The following DNAH5 variants were observed in gnomAD, a reference collection of about 807,000 sequenced individuals.
DNAH5 encodes axonemal beta dynein heavy chain 5.
In DNAH5, 372 loss-of-function variants were observed where a neutral mutation model predicts 518.2. The ratio of observed to expected loss-of-function variants is 0.72; its 90% CI spans 0.66 to 0.78. DNAH5 has a LOEUF of 0.78. DNAH5 is among the 30% of genes least tolerant of loss of function. The pLI is 0.00. For synonymous variants in DNAH5, 2,039 were observed against 2,025.9 expected (o/e 1.01, Z -0.17); for missense variants, 5,523 against 5,687.0 (o/e 0.97, Z 0.93).
In DNAH5 at chr5:14,000,345, T is replaced by C. The variant is rs1561067293; in HGVS notation, c.12+11303A>G. Among the ~76,000 whole-genome samples the C allele has an allele frequency of 4.6e-5, 7 of 152,220 alleles. No individual in the cohort carries two copies. In the South Asian group the frequency reaches 1.0e-3, roughly 23 times the overall value. On this transcript the variant is annotated intron_variant, in intron 1 of 78. Transcript: ENST00000681290. The stretch of plus-strand genomic sequence containing the variant: ...CAAGGCCCGGAAAAAGCCTTCGGAG[T>C]GAGCACGGCCCTTGCCAACACCTGG...
At chr5:13,765,439 T>C (rs1274809747) in intron 59 of DNAH5, among the ~76,000 whole-genome samples, 3 of 152,214 alleles carry the variant, frequency 2.0e-5, no homozygotes, top group Non-Finnish European at 4.4e-5. Context: ...AAGCTAATTA[T>C]CTGGATAAAG....
intron 65 of DNAH5, among the ~76,000 whole-genome samples, chr5:13,747,158 G>A (rs942274712): frequency 9.2e-5 from 14 of 151,848 alleles, no homozygotes; most frequent in East Asian, 1.9e-4. Context: ...TTGTCCTTGC[G>A]ATAGTTTGCT....
chr5:13,713,021 G>A (rs1164973640), intron 75 of DNAH5, among the ~76,000 whole-genome samples: 1 of 151,638 alleles, frequency 6.6e-6, no homozygotes, highest in Non-Finnish European at 1.5e-5. Flanking sequence ...GCACATGCAT[G>A]TTTACAGCAG....
intron 72 of DNAH5, 118 bp downstream of exon 72, chr5:13,718,764 G>A (rs1306838268): frequency 6.1e-5 from 52 of 847,790 alleles, no homozygotes; most frequent in Non-Finnish European, 9.4e-5. Flanking sequence ...CTCCCCATCA[G>A]GTTAAACAGT....
Position 13,885,952 on chromosome 5 carries a change from C to A in DNAH5, c.2743+12G>T. 3 of 1,609,722 alleles carry A rather than the reference C, an allele frequency of 1.9e-6. No individual in the cohort carries two copies. In the South Asian group the frequency reaches 3.3e-5, roughly 18 times the overall value. ...TAGAAAAACAAGACCCTTTCATTAC[C>A]CCATCTCTTACCTGAACTTTCATTT... is the stretch of plus-strand genomic sequence containing the variant. On this transcript the variant is annotated intron_variant, in intron 18 of 78. Transcript: ENST00000265104.
intron 47 of DNAH5, among the ~76,000 whole-genome samples, chr5:13,802,113 T>C (rs1220804266): frequency 6.6e-6 from 1 of 152,162 alleles, no homozygotes; most frequent in Admixed American, 6.5e-5. Flanking sequence ...ACTAAGGACA[T>C]ATACTGTTCT....
intron 1 of DNAH5, among the ~76,000 whole-genome samples, chr5:13,998,120 A>C (rs1209806318): frequency 6.6e-6 from 1 of 152,178 alleles, no homozygotes; most frequent in Non-Finnish European, 1.5e-5. Flanking sequence ...CTGGGATTAC[A>C]GGCGTGAGCC....
At chr5:13,886,192 A>C in intron 17 of DNAH5, 63 bp from the exon 18 acceptor site, 1 of 1,486,926 alleles carries the variant, frequency 6.7e-7, no homozygotes. Flanking sequence ...AGCTTTTGAG[A>C]GCACAGAAAC....
chr5:13,830,311 G>T, intron 36 of DNAH5, 98 bp from the exon 37 acceptor site: 1 of 1,182,548 alleles, frequency 8.5e-7, no homozygotes, highest in Non-Finnish European at 1.2e-6. Context: ...CCAGATGTAA[G>T]TTCATTCAAA....
intron 44 of DNAH5, among the ~76,000 whole-genome samples, chr5:13,810,955 A>G (rs1230032315): frequency 1.3e-5 from 2 of 152,180 alleles, no homozygotes; most frequent in Non-Finnish European, 2.9e-5. Flanking sequence ...GGAGGTTATT[A>G]TGTTAAGTGA....
rs559808205 is a variant in DNAH5, at chr5:13,769,924, T to C, written c.9606-309A>G. Among the ~76,000 whole-genome samples the C allele has an allele frequency of 1.2e-3, 182 of 152,298 alleles. 1 individual carries two copies. The highest frequency in any genetic ancestry group is 4.1e-3 in the African/African-American group (170 of 41,560). On this transcript the variant is annotated intron_variant, in intron 56 of 78. Coordinates refer to ENST00000265104, the MANE Select transcript of DNAH5 (RefSeq NM_001369.3). ...ACATACTTAATGACATTAGGCTAAA[T>C]GACAATAGACTTCAAATGCTTAAAG...
intron 47 of DNAH5, among the ~76,000 whole-genome samples, chr5:13,802,293 G>A (rs976505073): frequency 6.6e-6 from 1 of 152,172 alleles, no homozygotes; most frequent in Admixed American, 6.5e-5. Context: ...ATGAAAACCA[G>A]ATGGTCAGAA....
intron 28 of DNAH5, among the ~76,000 whole-genome samples, chr5:13,863,854 C>T (rs1768831289): frequency 6.6e-6 from 1 of 152,224 alleles, no homozygotes; most frequent in African/African-American, 2.4e-5. Flanking sequence ...ACCTCCCTGG[C>T]CTCTGCTGTC....
At chr5:13,717,607 C>A (rs1029078940) in intron 72 of DNAH5, 87 bp from the exon 73 acceptor site, 2 of 1,094,766 alleles carry the variant, frequency 1.8e-6, no homozygotes, top group Non-Finnish European at 2.7e-6. Flanking sequence ...TTTTGTAAAT[C>A]CCTGATATTA....
chr5:13,955,671 T>C (rs939259264), intron 1 of DNAH5, among the ~76,000 whole-genome samples: 2 of 152,102 alleles, frequency 1.3e-5, no homozygotes, highest in Non-Finnish European at 2.9e-5. Flanking sequence ...AGGCAATTTT[T>C]CTCCAAACTG....
At chr5:13,711,027 A>G (rs1743413289) in intron 75 of DNAH5, among the ~76,000 whole-genome samples, 1 of 152,228 alleles carries the variant, frequency 6.6e-6, no homozygotes, top group Non-Finnish European at 1.5e-5. Flanking sequence ...TGAAGCCAGC[A>G]TCACCCTAAT....
rs1189638418 is a variant in DNAH5 at position 13,958,151 on chromosome 5, A to C, written c.13-26907T>G. On this transcript the variant is annotated intron_variant, in intron 1 of 78. Coordinates refer to the DNAH5 transcript ENST00000681290. ...TTGGTTCCAATTTTTCACTATTATAAATAACAGTATAATGGATATCCCTGC... is the reference window on the plus strand; with the variant it reads ...TTGGTTCCAATTTTTCACTATTATACATAACAGTATAATGGATATCCCTGC... Among the ~76,000 whole-genome samples, 4 of 152,048 alleles carry C rather than the reference A, an allele frequency of 2.6e-5. No homozygotes were observed. The East Asian group carries it at 5.8e-4, about 22-fold the overall frequency.
At chr5:13,764,303 A>T (rs1270126634) in intron 59 of DNAH5, among the ~76,000 whole-genome samples, 3 of 152,232 alleles carry the variant, frequency 2.0e-5, no homozygotes, top group African/African-American at 7.2e-5. Flanking sequence ...AAAAGACACC[A>T]TTAATCGAGG....
chr5:13,727,956 A>C (rs190405727), intron 69 of DNAH5, among the ~76,000 whole-genome samples: 2 of 152,334 alleles, frequency 1.3e-5, no homozygotes. Context: ...CAACAAAATC[A>C]ATGGAAATTC....
Sources: allele counts gnomAD v4.1 joint callset (sites outside exome capture counted in the v4.1 genomes callset), GRCh38; gene constraint gnomAD v4.1.1; transcripts MANE v1.5; gene names NCBI Gene and HGNC (gene_info 2026-07-23, HGNC 2026-07-21).